The following SYNE1 variants were observed in gnomAD, a reference collection of about 807,000 sequenced individuals.
The protein encoded by SYNE1 is spectrin repeat containing nuclear envelope protein 1, also known as nesprin-1.
In SYNE1, 616 loss-of-function variants were observed where a neutral mutation model predicts 1,111.0. That is an observed-to-expected ratio of 0.55 (90% CI 0.52 to 0.59). The LOEUF is 0.59. Ranked by LOEUF, SYNE1 falls within the 20% of genes least tolerant of loss-of-function variation. SYNE1 has a pLI of 0.00. For synonymous variants in SYNE1, 3,855 were observed against 3,825.8 expected (o/e 1.01, Z -0.28); for missense variants, 10,006 against 10,417.0 (o/e 0.96, Z 1.72).
chr6:152,582,779 C>G (rs962267091), intron 3 of SYNE1, among the ~76,000 whole-genome samples: 13 of 151,962 alleles, frequency 8.6e-5, no homozygotes, highest in African/African-American at 2.4e-4. Flanking sequence ...TTACTTCCAT[C>G]TTTTTTTAAA....
intron 84 of SYNE1, 39 bp from the exon 85 acceptor site, chr6:152,319,054 TA>T (rs2095806153): frequency 1.2e-6 from 2 of 1,611,048 alleles, no homozygotes; most frequent in Admixed American, 1.7e-5. Flanking sequence ...AAGCCATGGT[TA>T]AAAGTGAATA....
rs776115026 is a variant in SYNE1, at chr6:152,206,263, C to T, written c.22924G>A (p.Ala7642Thr). The T allele has an allele frequency of 9.9e-6, 16 of 1,613,802 alleles. No individual in the cohort carries two copies. The highest frequency in any genetic ancestry group is 9.3e-5 in the African/African-American group (7 of 74,944). Residue 7642 changes from alanine (A) to threonine (T), a missense_variant, in exon 126 of 146, where the codon GCC becomes ACC. Physicochemically the swap from Ala to Thr is moderately conservative, Grantham distance 58 (BLOSUM62 0). Around this residue, in one of 7 missense-constraint regions of SYNE1, gnomAD observed 2,182 missense variants for 2,287.8 expected, o/e 0.95. Transcript: ENST00000367255. ...ATTTCAGCGAGTTCGGCCTGCAAGG[C>T]GGCCTCAGCGCCACTGTCCGCCGAG... ...LLSADSGAEA[A>T]LQAELAEIQE...
At chr6:152,614,285 A>G (rs1464497183) in intron 3 of SYNE1, among the ~76,000 whole-genome samples, 2 of 152,178 alleles carry the variant, frequency 1.3e-5, no homozygotes, top group African/African-American at 4.8e-5. Flanking sequence ...CAAATTTACA[A>G]GAAAAAAACA....
At chr6:152,151,786 C>A in intron 134 of SYNE1, 96 bp from the exon 135 acceptor site, 1 of 1,540,570 alleles carries the variant, frequency 6.5e-7, no homozygotes, top group Middle Eastern at 1.9e-4. Flanking sequence ...TCTGTAAAGT[C>A]ATTTTCTCAG....
At chr6:152,212,818 T>C (rs2153429387) in intron 123 of SYNE1, among the ~76,000 whole-genome samples, 1 of 152,328 alleles carries the variant, frequency 6.6e-6, no homozygotes, top group South Asian at 2.1e-4. Context: ...ATAGTCATCC[T>C]TGTGGGTGTG....
At chr6:152,600,272 G>C (rs1472517965) in intron 3 of SYNE1, among the ~76,000 whole-genome samples, 1 of 152,174 alleles carries the variant, frequency 6.6e-6, no homozygotes. Flanking sequence ...AGAAGGAACT[G>C]AGAGTCCAAA....
chr6:152,442,079 A>G lies in SYNE1; in HGVS notation c.4004T>C (p.Ile1335Thr), dbSNP rs750306376. 1.2e-6 allele frequency: 2 copies of G among 1,614,094 alleles called. No individual in the cohort carries two copies. The highest frequency in any genetic ancestry group is 1.3e-5 in the African/African-American group (1 of 75,026). ...ERSRERQERR[I>T]QVTLRKWERF... ...CCCCTAACTTCCGGCTCCTACCTGG[A>G]TGCGGCGTTCCTGCCTCTCCCGGCT... Residue 1335 changes from isoleucine (I) to threonine (T), a missense_variant, in exon 31 of 146, where the codon ATC becomes ACC. Ile to Thr is a moderately conservative substitution (Grantham distance 89). Around this residue, in one of 7 missense-constraint regions of SYNE1, gnomAD observed 1,971 missense variants for 2,084.1 expected, o/e 0.95. Coordinates refer to ENST00000367255, the MANE Select transcript of SYNE1 (RefSeq NM_182961.4).
chr6:152,222,198 T>C (rs2080345588), intron 117 of SYNE1, among the ~76,000 whole-genome samples: 1 of 152,192 alleles, frequency 6.6e-6, no homozygotes, highest in South Asian at 2.1e-4. Context: ...CTTCTCTCCT[T>C]TGTTCAGTGT....
chr6:152,333,364 C>T (rs987868566), intron 77 of SYNE1, among the ~76,000 whole-genome samples: 1 of 152,082 alleles, frequency 6.6e-6, no homozygotes, highest in African/African-American at 2.4e-5. Context: ...AACTAGGGAG[C>T]ATATAGGTTC....
intron 6 of SYNE1, among the ~76,000 whole-genome samples, chr6:152,518,432 A>G (rs1432597407): frequency 6.6e-6 from 1 of 151,544 alleles, no homozygotes; most frequent in South Asian, 2.1e-4. Context: ...AGTGTGCAGC[A>G]CCTCGCCCCT....
Position 152,236,180 on chromosome 6 carries a change from A to C in SYNE1, c.20323T>G (p.Cys6775Gly). The change falls in exon 110 of 146, where the codon TGC (cysteine) becomes GGC (glycine). Residue 6775 changes from cysteine (C) to glycine (G), a missense_variant. By Grantham distance (159) the Cys-to-Gly change is radical. Around this residue, in one of 7 missense-constraint regions of SYNE1, gnomAD observed 2,182 missense variants for 2,287.8 expected, o/e 0.95. Transcript: ENST00000367255. ...LESQLNQLGE[C>G]WLSNTNKMSK... The stretch of plus-strand genomic sequence containing the variant: ...ATTTTATTGGTGTTACTTAGCCAGC[A>C]CTCTCCAAGTTGATTTAGTTGGCTT... 1 of 1,614,102 alleles carries C rather than the reference A, an allele frequency of 6.2e-7. No individual in the cohort carries two copies. Among genetic ancestry groups the C allele is most frequent in the South Asian group, 1.1e-5 (1 of 91,078 alleles).
chr6:152,477,419 G>A (rs990056966), intron 14 of SYNE1, among the ~76,000 whole-genome samples: 35 of 152,078 alleles, frequency 2.3e-4, no homozygotes, highest in African/African-American at 6.8e-4. Flanking sequence ...AGAACACAAC[G>A]GGAATATCAG....
intron 95 of SYNE1, among the ~76,000 whole-genome samples, chr6:152,287,306 T>C (rs2094388326): frequency 6.6e-6 from 1 of 152,200 alleles, no homozygotes; most frequent in Admixed American, 6.5e-5. Context: ...AGTGTAATCT[T>C]TGCCACAAGT....
intron 3 of SYNE1, among the ~76,000 whole-genome samples, chr6:152,582,576 A>C (rs1255994341): frequency 1.3e-5 from 2 of 151,318 alleles, no homozygotes; most frequent in African/African-American, 2.4e-5. Context: ...ATATAAATAA[A>C]TATATATATA....
At chr6:152,617,291 G>A (rs1338669415) in intron 3 of SYNE1, among the ~76,000 whole-genome samples, 1 of 152,202 alleles carries the variant, frequency 6.6e-6, no homozygotes, top group Non-Finnish European at 1.5e-5. Flanking sequence ...CCATCCAGTA[G>A]AGTGCTACCC....
At chr6:152,218,186 C>T in intron 121 of SYNE1, 71 bp downstream of exon 121, 2 of 1,551,204 alleles carry the variant, frequency 1.3e-6, no homozygotes, top group Non-Finnish European at 8.9e-7. Flanking sequence ...AGTGAGACTC[C>T]ATCTCAAAAA....
intron 75 of SYNE1, 123 bp from the exon 76 acceptor site, chr6:152,337,140 C>T (rs2096410355): frequency 1.2e-6 from 1 of 858,454 alleles, no homozygotes; most frequent in East Asian, 2.7e-5. Flanking sequence ...CACACGCAAA[C>T]TCACACACAC....
intron 55 of SYNE1, among the ~76,000 whole-genome samples, chr6:152,381,933 A>T (rs185563433): frequency 6.6e-6 from 1 of 152,352 alleles, no homozygotes; most frequent in Admixed American, 6.5e-5. Context: ...TAATTCATTC[A>T]TAGACTGACT....
rs2095135382 is a variant in SYNE1, at chr6:152,300,921, C to T, written c.17542-140G>A. ...TGGGACCCGAATTCACATATTAATC[C>T]TGTGTTAGTATTTAAAAGTTCTGTC... On this transcript the variant is annotated intron_variant, in intron 92 of 145. Coordinates refer to ENST00000367255, the MANE Select transcript of SYNE1 (RefSeq NM_182961.4). 1.6e-5 allele frequency: 19 copies of T among 1,175,724 alleles called. No individual in the cohort carries two copies. The South Asian group carries it at 2.5e-4, about 16-fold the overall frequency. 72.8% of individuals were successfully genotyped at this position (1,175,724 alleles called of 1,614,324 possible). A position where few individuals can be genotyped will look rare whatever the true frequency, so the allele number is the denominator to read the frequency against.
Sources: allele counts gnomAD v4.1 joint callset (sites outside exome capture counted in the v4.1 genomes callset), GRCh38; gene constraint gnomAD v4.1.1; regional missense constraint gnomAD v4.1.1; transcripts MANE v1.5; gene names NCBI Gene and HGNC (gene_info 2026-07-23, HGNC 2026-07-21).